TENM1: variants seen among roughly 807,000 people sequenced by gnomAD.
TENM1 encodes the protein teneurin-1.
A neutral mutation model predicts 174.8 loss-of-function variants in TENM1; 35 were observed. That is an observed-to-expected ratio of 0.20 (90% CI 0.15 to 0.27). TENM1 has a LOEUF of 0.27. Ranked by LOEUF, TENM1 falls within the 10% of genes least tolerant of loss-of-function variation. TENM1 has a pLI of 1.00. For synonymous variants in TENM1, 781 were observed against 798.7 expected (o/e 0.98, Z 0.37); for missense variants, 1,633 against 2,130.1 (o/e 0.77, Z 4.59).
At chrX:124,823,848 T>C (rs910230922) in intron 3 of TENM1, among the ~76,000 whole-genome samples, 1 of 111,606 alleles carries the variant, frequency 9.0e-6, no homozygotes, top group Non-Finnish European at 1.9e-5. Context: ...ATCATAACAA[T>C]TGAGTGGATA....
intron 11 of TENM1, among the ~76,000 whole-genome samples, chrX:124,573,267 G>A (rs1371390839): frequency 9.0e-6 from 1 of 111,645 alleles, no homozygotes; most frequent in East Asian, 2.8e-4. Context: ...TTAAACACAT[G>A]TAGAAAAATA....
intron 1 of TENM1, among the ~76,000 whole-genome samples, chrX:124,953,970 A>G (rs2147789658): frequency 8.9e-6 from 1 of 111,916 alleles, no homozygotes; most frequent in East Asian, 2.8e-4. Flanking sequence ...GACTGAGATC[A>G]AAAAGTCATG....
intron 3 of TENM1, among the ~76,000 whole-genome samples, chrX:124,759,138 A>G (rs1422192377): frequency 9.0e-6 from 1 of 111,452 alleles, no homozygotes; most frequent in Non-Finnish European, 1.9e-5. Flanking sequence ...TATTTTACTT[A>G]AATCACATGG....
chrX:124,743,980 A>AGG (rs1485532436), intron 3 of TENM1, among the ~76,000 whole-genome samples: 1 of 111,734 alleles, frequency 8.9e-6, no homozygotes, highest in Non-Finnish European at 1.9e-5. Context: ...TCAAAGATCC[A>AGG]CAAAGCAGCC....
exon 20 of TENM1, chrX:124,497,020 A>G (rs1319162682): frequency 1.7e-5 from 20 of 1,209,420 alleles, no homozygotes; most frequent in Non-Finnish European, 2.0e-5. Context: ...ACTTACCTTA[A>G]TTCCAAAATA....
At chrX:124,989,933 T>C in the TENM1 span, among the ~76,000 whole-genome samples, 2 of 111,958 alleles carry the variant, frequency 1.8e-5, no homozygotes, top group Non-Finnish European at 3.8e-5. Flanking sequence ...TCATTAAGTA[T>C]CTGTGATAAA....
chrX:124,479,060 C>T (rs894852092), intron 22 of TENM1, among the ~76,000 whole-genome samples: 2 of 112,283 alleles, frequency 1.8e-5, no homozygotes, highest in Non-Finnish European at 3.8e-5. Flanking sequence ...GAGATAGGTG[C>T]CATAGCTAGG....
At chrX:125,023,753 G>T in the TENM1 span, among the ~76,000 whole-genome samples, 1 of 111,589 alleles carries the variant, frequency 9.0e-6, no homozygotes, top group Admixed American at 9.5e-5. Flanking sequence ...CCTCCCTGAG[G>T]CTAAGACCTA....
At chrX:124,518,011 C>T (rs1023193883) in intron 18 of TENM1, among the ~76,000 whole-genome samples, 4 of 109,899 alleles carry the variant, frequency 3.6e-5, no homozygotes, top group Admixed American at 2.0e-4. Context: ...AAATGTTCAC[C>T]GCAGAGAGTT....
chrX:124,863,768 C>T (rs1413187068), intron 3 of TENM1, among the ~76,000 whole-genome samples: 4 of 112,439 alleles, frequency 3.6e-5, no homozygotes. Context: ...TAGGCAGTAG[C>T]CAGGGAATGG....
intron 3 of TENM1, among the ~76,000 whole-genome samples, chrX:124,823,834 C>T (rs1603230839): frequency 9.0e-6 from 1 of 111,364 alleles, no homozygotes; most frequent in East Asian, 2.8e-4. Context: ...CATAAGCAAT[C>T]ATAATCATAA....
In TENM1 at chrX:124,463,839, GT is replaced by G. The variant is rs2061209530; in HGVS notation, c.3950-10349del. Among the ~76,000 whole-genome samples the G allele has an allele frequency of 1.4e-4, 9 of 62,799 alleles. No homozygotes were observed. The East Asian group carries it at 1.4e-3, about 10-fold the overall frequency. The allele number at this position is 62,799 out of a possible 115,157, so 54.5% of individuals were successfully genotyped here. On this transcript the variant is annotated intron_variant, in intron 22 of 31. Coordinates refer to ENST00000422452, the Ensembl canonical transcript of TENM1. ...TTCTTTGCTTTATAGAGGTTGGGGT[GT>G]GTGTGTGTGTGTGTGTGTGTGTGTG...
the TENM1 span, among the ~76,000 whole-genome samples, chrX:125,048,051 A>G: frequency 9.0e-6 from 1 of 110,825 alleles, no homozygotes; most frequent in Non-Finnish European, 1.9e-5. Context: ...AAAGGCAAAG[A>G]AATTTCCTGA....
chrX:124,771,263 C>T (rs112619548), intron 3 of TENM1, among the ~76,000 whole-genome samples: 5,166 of 112,301 alleles, frequency 0.046, 193 homozygotes, highest in African/African-American at 0.12. Context: ...AACTCTCCCA[C>T]CTTCAGTCCC....
At chrX:125,039,175 T>C in the TENM1 span, among the ~76,000 whole-genome samples, 5 of 112,115 alleles carry the variant, frequency 4.5e-5, no homozygotes, top group Non-Finnish European at 9.4e-5. Context: ...CTCTTGACTG[T>C]ACACCTTTAG....
At chrX:125,129,981 C>T in the TENM1 span, among the ~76,000 whole-genome samples, 1 of 111,365 alleles carries the variant, frequency 9.0e-6, no homozygotes, top group Non-Finnish European at 1.9e-5. Flanking sequence ...ATTGCTGTAG[C>T]TCCTAAAATC....
intron 15 of TENM1, among the ~76,000 whole-genome samples, chrX:124,542,715 G>C (rs2048348326): frequency 9.0e-6 from 1 of 110,987 alleles, no homozygotes. Context: ...TGATATAATG[G>C]GTGGGATGTT....
At chrX:124,639,397 C>A (rs962382142) in intron 11 of TENM1, among the ~76,000 whole-genome samples, 2 of 112,273 alleles carry the variant, frequency 1.8e-5, no homozygotes, top group African/African-American at 6.5e-5. Flanking sequence ...TTCTACAAAA[C>A]CTTACCTGAC....
At chrX:124,843,816 C>T (rs186292823) in intron 3 of TENM1, among the ~76,000 whole-genome samples, 43 of 111,391 alleles carry the variant, frequency 3.9e-4, no homozygotes, top group African/African-American at 1.4e-3. Context: ...TCATTTGGTG[C>T]TTGTAGTTCC....
Sources: gnomAD v4.1 joint callset for allele counts (sites outside exome capture counted in the v4.1 genomes callset) on GRCh38, gnomAD v4.1.1 for gene constraint, MANE v1.5 for transcripts, NCBI Gene and HGNC (gene_info 2026-07-23, HGNC 2026-07-21) for gene names.